Variants in ALK observed in about 807,000 individuals in gnomAD.
ALK encodes ALK tyrosine kinase receptor.
Under a neutral mutation model 163.1 loss-of-function variants are expected in ALK, and 74 were observed. The ratio of observed to expected loss-of-function variants is 0.45; its 90% CI spans 0.38 to 0.55. The LOEUF (loss-of-function observed/expected upper bound fraction) is 0.55, where lower values mean the gene tolerates loss of function less well. ALK is among the 20% of genes least tolerant of loss of function. ALK has a pLI of 0.00. For synonymous variants in ALK, 960 were observed against 843.2 expected (o/e 1.14, Z -2.40); for missense variants, 2,063 against 2,105.3 (o/e 0.98, Z 0.39).
At chr2:29,359,946 ATCCAGACCATGACGTT>A (rs1668349236) in intron 5 of ALK, among the ~76,000 whole-genome samples, 1 of 152,178 alleles carries the variant, frequency 6.6e-6, no homozygotes, top group South Asian at 2.1e-4. Flanking sequence ...TCCTTCTCAC[ATCCAGACCATGACGTT>A]TCCACAGTCT....
At chr2:29,836,883 G>A (rs1326208201) in intron 1 of ALK, among the ~76,000 whole-genome samples, 1 of 152,132 alleles carries the variant, frequency 6.6e-6, no homozygotes, top group South Asian at 2.1e-4. Flanking sequence ...TACTTTATGT[G>A]TTCTTTCACT....
chr2:29,663,493 A>T (rs1677414602), intron 3 of ALK, among the ~76,000 whole-genome samples: 1 of 152,130 alleles, frequency 6.6e-6, no homozygotes. Context: ...CCCAAGAAAG[A>T]GTACAACCAG....
rs528145961 is a variant in ALK, at chr2:29,440,843, T to C, written c.1155-56984A>G. Among the ~76,000 whole-genome samples, 7 of 152,332 alleles carry C rather than the reference T, an allele frequency of 4.6e-5. No individual in the cohort carries two copies. The South Asian group carries it at 1.2e-3, about 27-fold the overall frequency. On this transcript the variant is annotated intron_variant, in intron 4 of 28. Transcript: ENST00000389048. ...AAAATGACTTTCTTTTAGATTATCA[T>C]CAATATGAGATCATTTAAATTATCA...
chr2:29,225,605 A>T (rs2148176708), intron 18 of ALK, 40 bp from the exon 19 acceptor site: 1 of 1,552,092 alleles, frequency 6.4e-7, no homozygotes, highest in Non-Finnish European at 8.8e-7. Context: ...CAACCACACC[A>T]GGTCTCCTTT....
At chr2:29,548,517 T>G (rs1216457746) in intron 3 of ALK, among the ~76,000 whole-genome samples, 1 of 137,658 alleles carries the variant, frequency 7.3e-6, no homozygotes, top group Non-Finnish European at 1.6e-5. Context: ...TCATTGGATA[T>G]CTATGCCAGT....
rs57381961 is a variant in ALK at position 29,739,240 on chromosome 2, T to TAAAAAAA, written c.668-21550_668-21544dup. ...GGCAACAGGGCAAGACAGTCTCTCT[T>TAAAAAAA]AAAAAAAAAAAAAAAAAAAAAAAAA... is the stretch of plus-strand genomic sequence containing the variant. On this transcript the variant is annotated intron_variant, in intron 1 of 28. Coordinates refer to ENST00000389048, the MANE Select transcript of ALK (RefSeq NM_004304.5). Among the ~76,000 whole-genome samples, 72 of 40,336 alleles carry TAAAAAAA rather than the reference T, an allele frequency of 1.8e-3. 1 individual carries two copies. The highest frequency in any genetic ancestry group is 6.8e-3 in the African/African-American group (66 of 9,748). 26.5% of individuals were successfully genotyped at this position (40,336 alleles called of 152,430 possible). A position where few individuals can be genotyped will look rare whatever the true frequency, so the allele number is the denominator to read the frequency against.
chr2:29,764,869 G>C (rs2255362), intron 1 of ALK, among the ~76,000 whole-genome samples: 102,808 of 152,072 alleles, frequency 0.68, 40,842 homozygotes, highest in Non-Finnish European at 0.88. Flanking sequence ...ATGTCAAACT[G>C]TAATTCCAAA....
chr2:29,409,866 T>C (rs1669686323), intron 4 of ALK, among the ~76,000 whole-genome samples: 1 of 152,176 alleles, frequency 6.6e-6, no homozygotes, highest in African/African-American at 2.4e-5. Flanking sequence ...CCATTACCCA[T>C]TTCTGTCTTC....
intron 4 of ALK, among the ~76,000 whole-genome samples, chr2:29,438,662 C>G (rs1291511576): frequency 6.6e-6 from 1 of 152,172 alleles, no homozygotes; most frequent in Non-Finnish European, 1.5e-5. Flanking sequence ...CCCACCTGAC[C>G]TTCAGAGGGC....
intron 1 of ALK, among the ~76,000 whole-genome samples, chr2:29,726,836 A>G (rs1679589355): frequency 6.6e-6 from 1 of 152,186 alleles, no homozygotes; most frequent in African/African-American, 2.4e-5. Flanking sequence ...TTTACAGATG[A>G]AAAGATTGAG....
intron 11 of ALK, among the ~76,000 whole-genome samples, chr2:29,260,957 T>A (rs1206881161): frequency 6.6e-6 from 1 of 152,192 alleles, no homozygotes; most frequent in African/African-American, 2.4e-5. Context: ...CTATTATCCC[T>A]TTCCTACTCA....
intron 4 of ALK, among the ~76,000 whole-genome samples, chr2:29,441,757 T>C (rs1445811212): frequency 2.6e-5 from 4 of 152,166 alleles, no homozygotes; most frequent in Admixed American, 6.5e-5. Context: ...ACAGTTGCAT[T>C]GAGACTAAGG....
intron 1 of ALK, among the ~76,000 whole-genome samples, chr2:29,914,547 A>ATC (rs1667782623): frequency 6.6e-6 from 1 of 152,258 alleles, no homozygotes; most frequent in Admixed American, 6.5e-5. Context: ...TTTATTTTGC[A>ATC]TCAGGCATTG....
intron 3 of ALK, among the ~76,000 whole-genome samples, chr2:29,545,175 A>G (rs1193461662): frequency 6.6e-6 from 1 of 152,142 alleles, no homozygotes; most frequent in Non-Finnish European, 1.5e-5. Flanking sequence ...GAGGTCACAG[A>G]CTAACGCATG....
At chr2:29,598,364 T>C (rs1000785628) in intron 3 of ALK, among the ~76,000 whole-genome samples, 2 of 145,764 alleles carry the variant, frequency 1.4e-5, no homozygotes, top group Non-Finnish European at 3.0e-5. Flanking sequence ...AGTTGTTTGT[T>C]TTTTGTTTGT....
intron 1 of ALK, among the ~76,000 whole-genome samples, chr2:29,902,948 T>C (rs1272385197): frequency 6.6e-6 from 1 of 152,220 alleles, no homozygotes; most frequent in Non-Finnish European, 1.5e-5. Flanking sequence ...CATATAATCT[T>C]ATCTGATCCC....
chr2:29,318,587 G>A (rs367979234), intron 7 of ALK, among the ~76,000 whole-genome samples, 183 bp from the exon 8 acceptor site: 1 of 148,400 alleles, frequency 6.7e-6, no homozygotes, highest in South Asian at 2.1e-4. Flanking sequence ...TTTTTTTTGA[G>A]ACAGAGTCTT....
intron 1 of ALK, among the ~76,000 whole-genome samples, chr2:29,746,896 G>A (rs368981180): frequency 1.6e-4 from 24 of 152,166 alleles, no homozygotes; most frequent in East Asian, 1.5e-3. Context: ...GAAACATGAC[G>A]AAATAAGCCA....
intron 2 of ALK, among the ~76,000 whole-genome samples, chr2:29,709,911 T>C (rs1243566298): frequency 6.6e-6 from 1 of 152,168 alleles, no homozygotes; most frequent in Non-Finnish European, 1.5e-5. Flanking sequence ...GCATACAACA[T>C]TCCTTCATCT....
Sources: allele counts gnomAD v4.1 joint callset (sites outside exome capture counted in the v4.1 genomes callset), GRCh38; gene constraint gnomAD v4.1.1; transcripts MANE v1.5; gene names NCBI Gene and HGNC (gene_info 2026-07-23, HGNC 2026-07-21).